The following OR1J2 variants were observed in gnomAD, a reference collection of about 807,000 sequenced individuals.
OR1J2 encodes olfactory receptor family 1 subfamily J member 2.
For missense variants in OR1J2, 304 were observed against 246.1 expected, an observed-to-expected ratio of 1.24 and a Z score of -1.57; for synonymous variants, 142 against 99.7, an observed-to-expected ratio of 1.42 and a Z score of -2.52.
the OR1J2 span, among the ~76,000 whole-genome samples, chr9:122,453,434 G>GTCCC: frequency 1.0e-3 from 157 of 152,230 alleles, no homozygotes; most frequent in Non-Finnish European, 1.6e-3. Context: ...AACCTCCTAA[G>GTCCC]TCCCTCTTAG....
At chr9:122,500,661 T>C in the OR1J2 span, among the ~76,000 whole-genome samples, 2 of 152,278 alleles carry the variant, frequency 1.3e-5, no homozygotes, top group Admixed American at 6.5e-5. Flanking sequence ...GTTATGACGG[T>C]GAATGGTTCA....
downstream of OR1J2, among the ~76,000 whole-genome samples, chr9:122,515,430 C>G (rs537873190): frequency 1.1e-3 from 163 of 148,248 alleles, 2 homozygotes; most frequent in Non-Finnish European, 2.1e-3. Context: ...CTTCTGGAGT[C>G]ATTTTTTATT....
the OR1J2 span, among the ~76,000 whole-genome samples, chr9:122,484,823 AG>A: frequency 1.3e-5 from 2 of 152,182 alleles, no homozygotes; most frequent in African/African-American, 2.4e-5. Flanking sequence ...GCTTGAGCTC[AG>A]TAGTTTGAGA....
At chr9:122,481,743 A>G in the OR1J2 span, among the ~76,000 whole-genome samples, 4 of 152,206 alleles carry the variant, frequency 2.6e-5, no homozygotes, top group Admixed American at 2.0e-4. Flanking sequence ...ATACATTGCT[A>G]TAAGATGGTT....
the OR1J2 span, among the ~76,000 whole-genome samples, chr9:122,548,528 G>A: frequency 3.6e-4 from 54 of 151,860 alleles, no homozygotes; most frequent in Admixed American, 3.3e-3. Context: ...ATTAGGAGAT[G>A]GTTATATGTT....
upstream of OR1J2, among the ~76,000 whole-genome samples, chr9:122,507,893 C>T (rs1828556513): frequency 6.6e-6 from 1 of 152,132 alleles, no homozygotes; most frequent in Admixed American, 6.5e-5. Flanking sequence ...TATGTCATCT[C>T]ACTTCATCTT....
chr9:122,538,615 C>A, the OR1J2 span, among the ~76,000 whole-genome samples: 2 of 152,034 alleles, frequency 1.3e-5, no homozygotes. Flanking sequence ...ATTTGGATAC[C>A]TTTTGTTAAT....
the OR1J2 span, among the ~76,000 whole-genome samples, chr9:122,497,132 T>C: frequency 6.6e-6 from 1 of 152,136 alleles, no homozygotes; most frequent in Admixed American, 6.5e-5. Context: ...GCCTTCCTGT[T>C]GAGAAAGCAA....
chr9:122,532,003 G>A, the OR1J2 span, among the ~76,000 whole-genome samples: 14 of 149,216 alleles, frequency 9.4e-5, no homozygotes, highest in South Asian at 2.1e-4. Context: ...TGAGCTTGAT[G>A]TGTAGGGAAG....
chr9:122,567,928 G>A, the OR1J2 span: 1 of 1,613,986 alleles, frequency 6.2e-7, no homozygotes, highest in East Asian at 2.2e-5. Context: ...TTCAGCACAG[G>A]GCTGAGGTCA....
At chr9:122,547,013 G>A in the OR1J2 span, among the ~76,000 whole-genome samples, 2 of 151,950 alleles carry the variant, frequency 1.3e-5, no homozygotes, top group Non-Finnish European at 2.9e-5. Context: ...GTTAACTATA[G>A]TCATCCTACA....
upstream of OR1J2, among the ~76,000 whole-genome samples, chr9:122,508,433 T>C (rs1828570651): frequency 6.6e-6 from 1 of 152,170 alleles, no homozygotes. Flanking sequence ...GCTCATTGGA[T>C]GGATAAGAGC....
chr9:122,498,641 T>A, the OR1J2 span, among the ~76,000 whole-genome samples: 1 of 152,218 alleles, frequency 6.6e-6, no homozygotes, highest in Non-Finnish European at 1.5e-5. Context: ...AGATTCCATT[T>A]TGGCTAGGGA....
chr9:122,505,787 T>C, the OR1J2 span, among the ~76,000 whole-genome samples: 2 of 152,180 alleles, frequency 1.3e-5, no homozygotes, highest in African/African-American at 2.4e-5. Context: ...TCATTTTTTC[T>C]AGATTTTGCG....
chr9:122,494,326 A>G, the OR1J2 span, among the ~76,000 whole-genome samples: 4 of 152,112 alleles, frequency 2.6e-5, no homozygotes, highest in African/African-American at 9.7e-5. Flanking sequence ...GTCATTCCTT[A>G]AGTATAGTAG....
chr9:122,471,433 T>G, the OR1J2 span: 1,499 of 152,364 alleles, frequency 9.8e-3, 8 homozygotes, highest in Middle Eastern at 0.054. Flanking sequence ...ATTAAGCCTC[T>G]TTTTCTTCCC....
chr9:122,536,832 T>C, the OR1J2 span, among the ~76,000 whole-genome samples: 492 of 152,334 alleles, frequency 3.2e-3, 2 homozygotes, highest in African/African-American at 0.011. Flanking sequence ...TTTCCCCATT[T>C]ATTTTTGTTG....
the OR1J2 span, among the ~76,000 whole-genome samples, chr9:122,522,718 A>G: frequency 2.6e-3 from 391 of 152,314 alleles, 1 homozygote; most frequent in African/African-American, 8.8e-3. Context: ...CTCAGTAGCC[A>G]TTCAGCAAGT....
chr9:122,576,408 A>AT, the OR1J2 span, among the ~76,000 whole-genome samples: 1 of 111,900 alleles, frequency 8.9e-6, no homozygotes, highest in African/African-American at 3.3e-5. Flanking sequence ...TTTTTTTTGT[A>AT]TTTTTTAGTA....
Sources: gnomAD v4.1 joint callset for allele counts (sites outside exome capture counted in the v4.1 genomes callset) on GRCh38, gnomAD v4.1.1 for gene constraint, MANE v1.5 for transcripts, NCBI Gene and HGNC (gene_info 2026-07-23, HGNC 2026-07-21) for gene names.